Variants in RNF38 observed in about 807,000 individuals in gnomAD.
RNF38 encodes ring finger protein 38.
Under a neutral mutation model 67.2 loss-of-function variants are expected in RNF38, and 15 were observed. That is an observed-to-expected ratio of 0.22 (90% CI 0.15 to 0.34). The LOEUF (loss-of-function observed/expected upper bound fraction) is 0.34. Ranked by LOEUF, RNF38 falls within the 10% of genes least tolerant of loss-of-function variation. The pLI, the probability that RNF38 is intolerant of heterozygous loss-of-function variation, is 1.00. For missense variants in RNF38, 524 were observed against 639.9 expected (o/e 0.82, Z 1.95); for synonymous variants, 220 against 218.8 (o/e 1.01, Z -0.05).
Position 36,342,268 on chromosome 9 carries a change from A to G in RNF38, c.1485+57T>C. The stretch of plus-strand genomic sequence containing the variant: ...CTGAGCTATGAACTTACTCTAATCC[A>G]TGGTCAATAAAATAGAAAATTCAAT... On this transcript the variant is annotated intron_variant, in intron 11 of 11. Transcript: ENST00000259605. 5 of 1,223,708 alleles carry G rather than the reference A, an allele frequency of 4.1e-6. No individual in the cohort carries two copies. In the South Asian group the frequency reaches 4.8e-5, roughly 12 times the overall value. The allele number at this position is 1,223,708 out of a possible 1,614,324, so 75.8% of individuals were successfully genotyped here.
chr9:36,454,775 G>C (rs1331777122), intron 1 of RNF38, among the ~76,000 whole-genome samples: 2 of 151,422 alleles, frequency 1.3e-5, no homozygotes, highest in African/African-American at 4.9e-5. Flanking sequence ...GTACAGACAG[G>C]GTTTCACCAT....
chr9:36,338,501 G>A lies in RNF38; in HGVS notation c.*1251C>T, dbSNP rs966047703. On this transcript the variant is annotated 3_prime_UTR_variant, in exon 12 of 12. Transcript: ENST00000259605. ...AAACCAGGGTTTCGATGAGAAGCAC[G>A]TGTGATGAAGGAAGAACTAGACAAC... 5 of 152,214 alleles carry A rather than the reference G, an allele frequency of 3.3e-5. No homozygotes were observed. Among genetic ancestry groups the A allele is most frequent in the Non-Finnish European group, 7.3e-5 (5 of 68,034 alleles). The allele number at this position is 152,214 out of a possible 1,614,324, so 9.4% of individuals were successfully genotyped here.
At chr9:36,426,684 T>C (rs1437244652) in intron 1 of RNF38, among the ~76,000 whole-genome samples, 1 of 152,212 alleles carries the variant, frequency 6.6e-6, no homozygotes, top group Non-Finnish European at 1.5e-5. Context: ...TGCCAAACTG[T>C]TTTCCAAACT....
At chr9:36,413,695 T>TTTG (rs111752678) in intron 2 of RNF38, among the ~76,000 whole-genome samples, 2 of 151,054 alleles carry the variant, frequency 1.3e-5, no homozygotes, top group Non-Finnish European at 3.0e-5. Flanking sequence ...CTATTCCTAG[T>TTTG]TTTGTTTGTT....
At chr9:36,348,726 A>G (rs954367305) in intron 9 of RNF38, among the ~76,000 whole-genome samples, 3 of 152,246 alleles carry the variant, frequency 2.0e-5, no homozygotes, top group Non-Finnish European at 4.4e-5. Context: ...TTCATCAAGT[A>G]TAAGGAAAGA....
chr9:36,358,284 G>A (rs1178180809), intron 4 of RNF38, among the ~76,000 whole-genome samples: 2 of 152,074 alleles, frequency 1.3e-5, no homozygotes, highest in Admixed American at 1.3e-4. Flanking sequence ...CCATTATTTG[G>A]TCACATTCAA....
intron 4 of RNF38, among the ~76,000 whole-genome samples, chr9:36,364,867 G>A (rs1264986801): frequency 6.6e-6 from 1 of 152,212 alleles, no homozygotes; most frequent in Non-Finnish European, 1.5e-5. Flanking sequence ...TGCTGCTGCT[G>A]CTCAGCTGAT....
chr9:36,362,077 C>A (rs1468250810), intron 4 of RNF38, among the ~76,000 whole-genome samples: 1 of 152,132 alleles, frequency 6.6e-6, no homozygotes, highest in Non-Finnish European at 1.5e-5. Context: ...ATGAATAGGG[C>A]CGGGCACAGT....
rs538096679 is a variant in RNF38 at position 36,471,777 on chromosome 9, T to C, written n.241+15531A>G. Among the ~76,000 whole-genome samples, 14 of 152,346 alleles carry C rather than the reference T, an allele frequency of 9.2e-5. No homozygotes were observed. The South Asian group carries it at 2.5e-3, about 27-fold the overall frequency. On this transcript the variant is annotated intron_variant and non_coding_transcript_variant, in intron 1 of 3. Coordinates refer to the RNF38 transcript ENST00000488058. ...CACATAAATTTACTTTACTTCTTTTTAGAAATGGAGTCTTGCTATGTTGCC... is the reference window on the plus strand; with the variant it reads ...CACATAAATTTACTTTACTTCTTTTCAGAAATGGAGTCTTGCTATGTTGCC...
At chr9:36,445,413 ATTAC>A (rs1000591774) in intron 1 of RNF38, among the ~76,000 whole-genome samples, 32 of 152,332 alleles carry the variant, frequency 2.1e-4, no homozygotes, top group African/African-American at 7.5e-4. Flanking sequence ...TAACTGCATA[ATTAC>A]TTATTTGTTG....
Position 36,469,370 on chromosome 9 carries a change from T to C in RNF38, n.241+17938A>G, listed in dbSNP as rs571398076. Among the ~76,000 whole-genome samples, 12 of 151,552 alleles carry C rather than the reference T, an allele frequency of 7.9e-5. No homozygotes were observed. In the South Asian group the frequency reaches 2.5e-3, roughly 32 times the overall value. On this transcript the variant is annotated intron_variant and non_coding_transcript_variant, in intron 1 of 3. Transcript: ENST00000488058. ...TATTTTCAGTTCAGTTAGAAAATAA[T>C]GTTCAAGGGCCAGGCACAGTGGCTC...
At chr9:36,427,710 CCTAT>C (rs144163870) in intron 1 of RNF38, among the ~76,000 whole-genome samples, 4,966 of 141,870 alleles carry the variant, frequency 0.035, 260 homozygotes, top group African/African-American at 0.12. Flanking sequence ...TATCTACCTA[CCTAT>C]CTATTAATTT....
chr9:36,457,290 T>C (rs749678946), intron 1 of RNF38, among the ~76,000 whole-genome samples: 1 of 152,220 alleles, frequency 6.6e-6, no homozygotes. Flanking sequence ...CAGAAACCCA[T>C]ACTGCATACA....
At chr9:36,438,827 A>T (rs1273550461) in intron 1 of RNF38, among the ~76,000 whole-genome samples, 1 of 152,154 alleles carries the variant, frequency 6.6e-6, no homozygotes, top group Non-Finnish European at 1.5e-5. Context: ...TCCTCTCACT[A>T]CCTTAGAGAG....
At chr9:36,393,965 G>A (rs1464575008) in intron 1 of RNF38, among the ~76,000 whole-genome samples, 1 of 152,078 alleles carries the variant, frequency 6.6e-6, no homozygotes, top group African/African-American at 2.4e-5. Context: ...AGTGAACTTG[G>A]AAGGAGACAC....
rs547974688 is a variant in RNF38, at chr9:36,464,345, G to T, written n.241+22963C>A. ...GCACTTTAGGAGGCCAAGGCAGGCG[G>T]ATCACAAGGTCAGGAGTTCGAGACC... On this transcript the variant is annotated intron_variant and non_coding_transcript_variant, in intron 1 of 3. Transcript: ENST00000488058. Among the ~76,000 whole-genome samples the T allele has an allele frequency of 5.8e-4, 89 of 152,158 alleles. 1 individual carries two copies. The highest frequency in any genetic ancestry group is 2.1e-3 in the African/African-American group (86 of 41,514).
At chr9:36,442,589 G>C (rs1481015535) in intron 1 of RNF38, among the ~76,000 whole-genome samples, 3 of 152,278 alleles carry the variant, frequency 2.0e-5, no homozygotes, top group Admixed American at 2.0e-4. Context: ...AGACCATCCA[G>C]GTTAACATGG....
At chr9:36,376,253 A>C in intron 2 of RNF38, 126 bp from the exon 3 acceptor site, 1 of 655,600 alleles carries the variant, frequency 1.5e-6, no homozygotes, top group Non-Finnish European at 2.4e-6. Flanking sequence ...AAAAAAATAT[A>C]TGCTATCAAT....
At position 36,461,450 on chromosome 9, in the gene RNF38, G is replaced by A. The variant is rs1344442016; in HGVS notation, n.241+25858C>T. ...AAAGGGTAGAACAAGAGTGTTCTATGCAGAGAAAACAGCCTGGAAGAGACA... is the reference window on the plus strand; with the variant it reads ...AAAGGGTAGAACAAGAGTGTTCTATACAGAGAAAACAGCCTGGAAGAGACA... On this transcript the variant is annotated intron_variant and non_coding_transcript_variant, in intron 1 of 3. Transcript: ENST00000488058. 2.0e-5 allele frequency among the ~76,000 whole-genome samples: 3 copies of A among 152,206 alleles called. No individual in the cohort carries two copies. The East Asian group carries it at 5.8e-4, about 29-fold the overall frequency.
Sources: allele counts gnomAD v4.1 joint callset (sites outside exome capture counted in the v4.1 genomes callset), GRCh38; gene constraint gnomAD v4.1.1; transcripts MANE v1.5; gene names NCBI Gene and HGNC (gene_info 2026-07-23, HGNC 2026-07-21).